WNT9B: variants seen among roughly 807,000 people sequenced by gnomAD.
WNT9B encodes the protein Wnt family member 9B.
WNT9B carries 12 observed loss-of-function variants against 30.2 expected under a neutral mutation model. The observed-to-expected ratio is 0.40, with a 90% CI of 0.26 to 0.64. The LOEUF is 0.64. WNT9B is among the 30% of genes least tolerant of loss of function. WNT9B has a pLI of 0.42. For synonymous variants in WNT9B, 218 were observed against 216.9 expected, an observed-to-expected ratio of 1.01 and a Z score of -0.05; for missense variants, 442 against 485.2, an observed-to-expected ratio of 0.91 and a Z score of 0.84.
chr17:46,838,200 C>A (rs1372142139), intron 1 of WNT9B, among the ~76,000 whole-genome samples: 2 of 152,010 alleles, frequency 1.3e-5, no homozygotes, highest in Non-Finnish European at 2.9e-5. Context: ...AAAATTCAGG[C>A]TCTTGCCATC....
intron 1 of WNT9B, among the ~76,000 whole-genome samples, chr17:46,844,093 A>G (rs2084745494): frequency 6.6e-6 from 1 of 152,054 alleles, no homozygotes; most frequent in African/African-American, 2.4e-5. Flanking sequence ...AGCTGGGACT[A>G]CAGGCATGTG....
downstream of WNT9B, among the ~76,000 whole-genome samples, chr17:46,880,744 A>G (rs2085412321): frequency 1.3e-5 from 2 of 152,236 alleles, no homozygotes; most frequent in South Asian, 4.1e-4. Context: ...GTACACTGGT[A>G]TAGGTCGGGC....
At chr17:46,863,837 G>C (rs893810694) in intron 1 of WNT9B, among the ~76,000 whole-genome samples, 1 of 152,144 alleles carries the variant, frequency 6.6e-6, no homozygotes, top group East Asian at 1.9e-4. Flanking sequence ...CTATTCCCAA[G>C]GGAGCCGCTC....
At chr17:46,863,118 G>A (rs1223807151) in intron 1 of WNT9B, among the ~76,000 whole-genome samples, 1 of 44 alleles carries the variant, frequency 0.023, no homozygotes, top group East Asian at 0.5. Context: ...GCTAGGGAGG[G>A]CGTGGCACAG....
chr17:46,833,498 C>T (rs746582330), intron 1 of WNT9B: 1 of 461,034 alleles, frequency 2.2e-6, no homozygotes, highest in Non-Finnish European at 4.3e-6. Context: ...CTGGTCACCT[C>T]ACTGCCTGAC....
intron 1 of WNT9B, among the ~76,000 whole-genome samples, chr17:46,833,955 G>A (rs990469898): frequency 6.6e-6 from 1 of 152,106 alleles, no homozygotes; most frequent in African/African-American, 2.4e-5. Flanking sequence ...CAGCATCTTG[G>A]GAGTCTGAGG....
At chr17:46,871,458 A>G (rs2085242601) in intron 1 of WNT9B, among the ~76,000 whole-genome samples, 1 of 152,022 alleles carries the variant, frequency 6.6e-6, no homozygotes, top group Non-Finnish European at 1.5e-5. Context: ...CCCCTCGTAA[A>G]TCCTTTGTTT....
chr17:46,836,957 T>G (rs981784520), intron 1 of WNT9B, among the ~76,000 whole-genome samples: 58 of 152,222 alleles, frequency 3.8e-4, no homozygotes, highest in African/African-American at 1.3e-3. Context: ...TTTTTCTTTT[T>G]TTTGAGACAG....
chr17:46,837,978 G>A (rs185371729), intron 1 of WNT9B, among the ~76,000 whole-genome samples: 8 of 152,144 alleles, frequency 5.3e-5, no homozygotes, highest in Admixed American at 4.6e-4. Context: ...TTTTCCACGT[G>A]TACATCACCG....
intron 2 of WNT9B, among the ~76,000 whole-genome samples, chr17:46,872,983 G>A (rs1438471049): frequency 6.6e-6 from 1 of 152,076 alleles, no homozygotes; most frequent in Non-Finnish European, 1.5e-5. Context: ...AGGTTTGGGG[G>A]AGCAGAGGAG....
downstream of WNT9B, among the ~76,000 whole-genome samples, chr17:46,881,437 G>A (rs986174041): frequency 7.2e-5 from 11 of 152,220 alleles, no homozygotes; most frequent in African/African-American, 2.7e-4. Flanking sequence ...ACCTCACAAG[G>A]TGGACACCCT....
intron 2 of WNT9B, among the ~76,000 whole-genome samples, chr17:46,874,482 G>C (rs1302743058): frequency 6.6e-6 from 1 of 152,206 alleles, no homozygotes; most frequent in African/African-American, 2.4e-5. Flanking sequence ...TCTTCTCTGA[G>C]AGGTGAAGGC....
chr17:46,851,740 C>A lies in WNT9B; in HGVS notation c.77+25C>A, dbSNP rs945364279. On this transcript the variant is annotated intron_variant, in intron 1 of 3. Coordinates refer to ENST00000290015, the MANE Select transcript of WNT9B (RefSeq NM_003396.3). This position sits in a 1 kb window ranked among gnomAD's most constrained non-coding sequence, Gnocchi z 4.3. Reference sequence around the variant, plus strand: ...GGTCAGTGCCCGCCGCGCCCCCCGCCCGCTCCCCGGCCTGCCTGTCTCTCC... The same window carrying A: ...GGTCAGTGCCCGCCGCGCCCCCCGCACGCTCCCCGGCCTGCCTGTCTCTCC... 8 of 1,231,230 alleles carry A rather than the reference C, an allele frequency of 6.5e-6. No individual in the cohort carries two copies. In the Admixed American group the frequency reaches 1.7e-4, roughly 26 times the overall value. 76.3% of individuals were successfully genotyped at this position (1,231,230 alleles called of 1,614,324 possible).
At chr17:46,885,296 G>T, downstream of WNT9B, 1 of 243,040 alleles carries the variant, frequency 4.1e-6, no homozygotes. Flanking sequence ...GTGAGCCACT[G>T]CGCCTGGCCA....
chr17:46,853,677 C>G (rs1317126834), intron 1 of WNT9B, among the ~76,000 whole-genome samples: 1 of 152,034 alleles, frequency 6.6e-6, no homozygotes, highest in African/African-American at 2.4e-5. Context: ...TAGTTTTTTT[C>G]ATTAAGGAAA....
At chr17:46,848,155 C>G (rs1055918330), upstream of WNT9B, among the ~76,000 whole-genome samples, 1 of 152,100 alleles carries the variant, frequency 6.6e-6, no homozygotes, top group African/African-American at 2.4e-5. Context: ...TGTGGGGCTG[C>G]CCAGGAATGT....
At chr17:46,841,116 G>C (rs564054931) in intron 1 of WNT9B, among the ~76,000 whole-genome samples, 1 of 152,270 alleles carries the variant, frequency 6.6e-6, no homozygotes, top group Non-Finnish European at 1.5e-5. Flanking sequence ...CGACAGACAA[G>C]GCTCCTTGGA....
rs773812928 is a variant in WNT9B, at chr17:46,876,308, C to A, written c.664C>A (p.Arg222Ser). 2.5e-6 allele frequency: 4 copies of A among 1,614,154 alleles called. No individual in the cohort carries two copies. The East Asian group carries it at 6.7e-5, about 27-fold the overall frequency. The change falls in exon 4 of 4, where the codon CGC becomes AGC. Residue 222 changes from arginine to serine, a missense_variant. Arg to Ser is a moderately radical substitution (Grantham distance 110). Transcript: ENST00000290015. ...TGGCGTATCAGGCTCCTGTGCCGTG[C>A]GCACCTGCTGGAAGCAGCTCTCCCC... The part of the protein sequence containing the change: ...CHGVSGSCAV[R>S]TCWKQLSPFR...
chr17:46,870,670 G>T (rs959588013), intron 1 of WNT9B, among the ~76,000 whole-genome samples: 1 of 152,210 alleles, frequency 6.6e-6, no homozygotes, highest in African/African-American at 2.4e-5. Context: ...ACCCTCTGGT[G>T]AGGCTTCCAA....
Sources: gnomAD v4.1 joint callset for allele counts (sites outside exome capture counted in the v4.1 genomes callset) on GRCh38, gnomAD v4.1.1 for gene constraint, Gnocchi (gnomAD v3.1) non-coding constraint, MANE v1.5 for transcripts, NCBI Gene and HGNC (gene_info 2026-07-23, HGNC 2026-07-21) for gene names.